Variants in FBXL20 observed in about 807,000 individuals in gnomAD.
FBXL20 encodes the protein F-box and leucine rich repeat protein 20, also known as F-box/LRR-repeat protein 20.
FBXL20 carries 11 observed loss-of-function variants against 64.0 expected under a neutral mutation model. The ratio of observed to expected loss-of-function variants is 0.17; its 90% CI spans 0.11 to 0.28. FBXL20 has a LOEUF of 0.28. Among genes scored for constraint, FBXL20 ranks in the 10% least tolerant of loss-of-function variants. FBXL20 has a pLI of 1.00. For synonymous variants in FBXL20, 184 were observed against 189.0 expected, an observed-to-expected ratio of 0.97 and a Z score of 0.22; for missense variants, 303 against 526.2, an observed-to-expected ratio of 0.58 and a Z score of 4.15.
In FBXL20 at chr17:39,253,653, G is replaced by A. The variant is rs1353123971; in HGVS notation, c.*7807C>T. ...GTAATTTGGAAGTAGGGTGAGGAGG[G>A]GAGTGAGAAGAAATCAAAAGCTCAT... is the stretch of plus-strand genomic sequence containing the variant. On this transcript the variant is annotated 3_prime_UTR_variant, in exon 15 of 15. Coordinates refer to ENST00000264658, the MANE Select transcript of FBXL20 (RefSeq NM_032875.3). 1 of 152,160 alleles carries A rather than the reference G, an allele frequency of 6.6e-6. No individual in the cohort carries two copies. The highest frequency in any genetic ancestry group is 1.5e-5 in the Non-Finnish European group (1 of 68,028). The allele number at this position is 152,160 out of a possible 1,614,324, so 9.4% of individuals were successfully genotyped here.
At chr17:39,365,400 A>G (rs2047849732) in intron 1 of FBXL20, among the ~76,000 whole-genome samples, 1 of 152,240 alleles carries the variant, frequency 6.6e-6, no homozygotes, top group Non-Finnish European at 1.5e-5. Context: ...TTAGAAGCTA[A>G]CTACTGCCAG....
chr17:39,332,146 C>T (rs1413668295), intron 2 of FBXL20, among the ~76,000 whole-genome samples: 1 of 152,178 alleles, frequency 6.6e-6, no homozygotes, highest in Non-Finnish European at 1.5e-5. Flanking sequence ...TTGTATTTTT[C>T]CACACCTTCA....
chr17:39,325,840 A>T (rs1435187854), intron 2 of FBXL20, among the ~76,000 whole-genome samples: 5 of 152,200 alleles, frequency 3.3e-5, no homozygotes, highest in African/African-American at 1.2e-4. Context: ...GCTAAAAAAA[A>T]ATACACTGAA....
At chr17:39,350,778 G>C (rs1234278073) in intron 1 of FBXL20, among the ~76,000 whole-genome samples, 3 of 152,128 alleles carry the variant, frequency 2.0e-5, no homozygotes, top group Non-Finnish European at 4.4e-5. Flanking sequence ...CCCCTGAGCA[G>C]GAGTATCAGC....
chr17:39,401,510 G>T lies in FBXL20; in HGVS notation c.-108C>A. ...CGGGACGGGGACTGGGCGCCGGAGG[G>T]GTGACGCCGGGACCGTGGGACGGGA... On this transcript the variant is annotated 5_prime_UTR_variant, in exon 1 of 15. Transcript: ENST00000264658. 1 of 1,489,044 alleles carries T rather than the reference G, an allele frequency of 6.7e-7. No individual in the cohort carries two copies. The highest frequency in any genetic ancestry group is 8.9e-7 in the Non-Finnish European group (1 of 1,127,918). The allele number at this position is 1,489,044 out of a possible 1,614,324, so 92.2% of individuals were successfully genotyped here. A position where few individuals can be genotyped will look rare whatever the true frequency, so the allele number is the denominator to read the frequency against.
chr17:39,281,332 A>G (rs1480671977), intron 9 of FBXL20, 57 bp downstream of exon 9: 2 of 1,525,674 alleles, frequency 1.3e-6, no homozygotes. Context: ...AATAGCTCTT[A>G]AAAATTTTAA....
chr17:39,320,449 C>T lies in FBXL20; in HGVS notation c.105-16810G>A, dbSNP rs150048491. Among the ~76,000 whole-genome samples the T allele has an allele frequency of 6.8e-4, 103 of 152,168 alleles. 1 individual carries two copies. In the East Asian group the frequency reaches 0.019, roughly 28 times the overall value. ...AGTGGTATATACTGACCTCACAGCA[C>T]GGTTTACCAACTTCTGACTCTAAAT... On this transcript the variant is annotated intron_variant, in intron 2 of 14. Transcript: ENST00000264658.
intron 2 of FBXL20, among the ~76,000 whole-genome samples, chr17:39,339,995 A>G (rs1248120472): frequency 6.6e-6 from 1 of 151,588 alleles, no homozygotes; most frequent in Non-Finnish European, 1.5e-5. Context: ...CTGAAGCGCA[A>G]TGGCGCTCAC....
At chr17:39,264,985 GA>G (rs2046778747) in intron 13 of FBXL20, among the ~76,000 whole-genome samples, 2 of 152,186 alleles carry the variant, frequency 1.3e-5, no homozygotes, top group African/African-American at 4.8e-5. Context: ...TAGTGTCACT[GA>G]AAGTAGGAGC....
At chr17:39,266,540 G>T (rs1447409513) in intron 12 of FBXL20, among the ~76,000 whole-genome samples, 1 of 151,942 alleles carries the variant, frequency 6.6e-6, no homozygotes, top group Admixed American at 6.6e-5. Context: ...GGAGATGGGG[G>T]TTTGCCATGT....
intron 6 of FBXL20, among the ~76,000 whole-genome samples, chr17:39,295,739 T>C (rs1321016983): frequency 6.6e-6 from 1 of 150,932 alleles, no homozygotes; most frequent in Admixed American, 6.6e-5. Flanking sequence ...CTTATTTTAT[T>C]TTTGATTGGC....
At chr17:39,266,421 T>C (rs1459177175) in intron 12 of FBXL20, among the ~76,000 whole-genome samples, 2 of 152,130 alleles carry the variant, frequency 1.3e-5, no homozygotes, top group African/African-American at 2.4e-5. Flanking sequence ...GGTTACACCA[T>C]GTTGGCCAGG....
intron 9 of FBXL20, among the ~76,000 whole-genome samples, chr17:39,278,739 G>T (rs1174189698): frequency 2.1e-3 from 4 of 1,930 alleles, no homozygotes; most frequent in African/African-American, 0.012. Flanking sequence ...AGTGGAGATG[G>T]GTTTCACCAT....
chr17:39,356,033 G>A (rs2047735349), intron 1 of FBXL20, among the ~76,000 whole-genome samples: 2 of 151,590 alleles, frequency 1.3e-5, no homozygotes, highest in African/African-American at 4.8e-5. Flanking sequence ...GGCCAACATG[G>A]TGAAACCCTG....
intron 2 of FBXL20, among the ~76,000 whole-genome samples, chr17:39,323,645 G>A (rs897240870): frequency 6.0e-4 from 92 of 152,166 alleles, no homozygotes; most frequent in African/African-American, 2.1e-3. Context: ...ACTATTCAAA[G>A]GCCTTTTTCA....
At chr17:39,371,229 T>C (rs900171956) in intron 1 of FBXL20, among the ~76,000 whole-genome samples, 2 of 152,162 alleles carry the variant, frequency 1.3e-5, no homozygotes, top group Non-Finnish European at 2.9e-5. Flanking sequence ...GGTTTTGTCA[T>C]GCATGACTTT....
intron 6 of FBXL20, 79 bp downstream of exon 6, chr17:39,297,048 G>T: frequency 1.1e-6 from 1 of 950,022 alleles, no homozygotes; most frequent in South Asian, 2.1e-5. Flanking sequence ...GCTCAATAGA[G>T]TTAATGGCCT....
chr17:39,336,889 A>G lies in FBXL20; in HGVS notation c.104+6291T>C, dbSNP rs185713963. ...AGCAGACAGAAACCACCATAGTAGCAAACTCCACAATGCTAACCTTCATAT... is the reference window on the plus strand; with the variant it reads ...AGCAGACAGAAACCACCATAGTAGCGAACTCCACAATGCTAACCTTCATAT... On this transcript the variant is annotated intron_variant, in intron 2 of 14. Transcript: ENST00000264658. 3.1e-3 allele frequency among the ~76,000 whole-genome samples: 477 copies of G among 151,864 alleles called. 1 individual carries two copies. Among genetic ancestry groups the G allele is most frequent in the African/African-American group, 0.011 (441 of 41,330 alleles).
intron 1 of FBXL20, among the ~76,000 whole-genome samples, chr17:39,381,031 G>T (rs903543651): frequency 1.3e-5 from 2 of 152,014 alleles, no homozygotes; most frequent in African/African-American, 4.8e-5. Flanking sequence ...GTGGTGGCAG[G>T]CACCTGTAAT....
Sources: allele counts gnomAD v4.1 joint callset (sites outside exome capture counted in the v4.1 genomes callset), GRCh38; gene constraint gnomAD v4.1.1; transcripts MANE v1.5; gene names NCBI Gene and HGNC (gene_info 2026-07-23, HGNC 2026-07-21).